Variants in HECTD4 observed in about 807,000 individuals in gnomAD.
HECTD4 encodes probable E3 ubiquitin-protein ligase HECTD4.
Under a neutral mutation model 471.5 loss-of-function variants are expected in HECTD4, and 114 were observed. The observed-to-expected ratio is 0.24, with a 90% confidence interval of 0.21 to 0.28. The LOEUF is 0.28. HECTD4 is among the 10% of genes least tolerant of loss of function. HECTD4 has a pLI of 1.00. For missense variants in HECTD4, 3,866 were observed against 5,651.5 expected, an observed-to-expected ratio of 0.68 and a Z score of 10.13; for synonymous variants, 2,012 against 2,256.0, an observed-to-expected ratio of 0.89 and a Z score of 3.07.
intron 1 of HECTD4, among the ~76,000 whole-genome samples, chr12:112,343,350 A>G (rs1189928475): frequency 6.6e-6 from 1 of 152,262 alleles, no homozygotes; most frequent in Non-Finnish European, 1.5e-5. Flanking sequence ...ATTAAACAGC[A>G]GGTTCCAAAT....
chr12:112,291,223 G>T (rs960474808), intron 7 of HECTD4, among the ~76,000 whole-genome samples: 2 of 151,354 alleles, frequency 1.3e-5, no homozygotes, highest in Admixed American at 6.6e-5. Flanking sequence ...AGTAATATCC[G>T]CTTACTATCA....
At chr12:112,175,114 G>A (rs1039572262) in intron 66 of HECTD4, among the ~76,000 whole-genome samples, 1 of 152,206 alleles carries the variant, frequency 6.6e-6, no homozygotes, top group African/African-American at 2.4e-5. Flanking sequence ...CTGAGGATAA[G>A]GTTCTTTGGG....
At chr12:112,323,975 T>TC (rs2035656159) in intron 1 of HECTD4, among the ~76,000 whole-genome samples, 1 of 21,122 alleles carries the variant, frequency 4.7e-5, no homozygotes, top group Admixed American at 6.0e-4. Context: ...TCTTCCTTCC[T>TC]TCCTTCCTTC....
chr12:112,245,831 A>C (rs1168411359), intron 29 of HECTD4, among the ~76,000 whole-genome samples: 1 of 152,232 alleles, frequency 6.6e-6, no homozygotes, highest in Non-Finnish European at 1.5e-5. Context: ...TTTTAGGCTA[A>C]CAATTAAAAT....
chr12:112,208,779 G>A (rs192456629), intron 50 of HECTD4, 149 bp from the exon 51 acceptor site: 29 of 550,994 alleles, frequency 5.3e-5, no homozygotes, highest in African/African-American at 5.2e-4. Flanking sequence ...CAGAGTCTAG[G>A]AATAACTAAT....
chr12:112,258,191 A>G (rs199952036), intron 20 of HECTD4, among the ~76,000 whole-genome samples: 1 of 91,408 alleles, frequency 1.1e-5, no homozygotes, highest in Non-Finnish European at 1.9e-5. Context: ...TCCATCTCAG[A>G]AAAAAAAAAA....
intron 1 of HECTD4, among the ~76,000 whole-genome samples, chr12:112,378,363 C>T (rs1029410639): frequency 6.6e-6 from 1 of 151,374 alleles, no homozygotes; most frequent in Non-Finnish European, 1.5e-5. Flanking sequence ...GGACTACAAG[C>T]GCCCGCCACC....
intron 1 of HECTD4, among the ~76,000 whole-genome samples, chr12:112,364,980 T>G (rs750593037): frequency 1.1e-4 from 17 of 152,314 alleles, no homozygotes; most frequent in Non-Finnish European, 1.9e-4. Flanking sequence ...GCAGACAATA[T>G]GTAAACAAAT....
At chr12:112,199,167 G>A (rs930371681) in intron 55 of HECTD4, among the ~76,000 whole-genome samples, 2 of 152,192 alleles carry the variant, frequency 1.3e-5, no homozygotes, top group African/African-American at 2.4e-5. Context: ...AGTAGGTAGG[G>A]TCAGGGAATA....
At chr12:112,334,356 A>C (rs1207967093) in intron 1 of HECTD4, among the ~76,000 whole-genome samples, 1 of 151,698 alleles carries the variant, frequency 6.6e-6, no homozygotes, top group Non-Finnish European at 1.5e-5. Flanking sequence ...ATCCCATCAA[A>C]AAGTGGCCTA....
chr12:112,231,335 G>A, intron 39 of HECTD4, 178 bp downstream of exon 39: 1 of 617,366 alleles, frequency 1.6e-6, no homozygotes, highest in South Asian at 1.9e-5. Flanking sequence ...GATCTACCTG[G>A]ATGGTCATTA....
At position 112,311,703 on chromosome 12, in the gene HECTD4, G is replaced by T. The variant is rs2035375741; in HGVS notation, c.916+1314C>A. On this transcript the variant is annotated intron_variant, in intron 4 of 75. Coordinates refer to ENST00000682272, the MANE Select transcript of HECTD4 (RefSeq NM_001388303.1). ...TTTCTCCCTAGATGCAAAACCAAAG[G>T]TTCAGGAAAATGAAAGCAAACAGAT... Among the ~76,000 whole-genome samples the T allele has an allele frequency of 2.0e-5, 3 of 151,756 alleles. No homozygotes were observed. In the South Asian group the frequency reaches 6.3e-4, roughly 32 times the overall value.
intron 44 of HECTD4, 87 bp downstream of exon 44, chr12:112,226,556 G>A (rs2033245065): frequency 8.9e-6 from 7 of 785,166 alleles, no homozygotes; most frequent in Non-Finnish European, 1.4e-5. Context: ...GTGTGTGTAT[G>A]AAGACACTTA....
intron 1 of HECTD4, among the ~76,000 whole-genome samples, chr12:112,378,538 G>A (rs890988499): frequency 5.3e-5 from 8 of 151,864 alleles, no homozygotes; most frequent in African/African-American, 1.7e-4. Flanking sequence ...ATTCTAAGAC[G>A]TCTATTGCAC....
rs147189580 is a variant in HECTD4, at chr12:112,310,781, A to C, written c.917-1112T>G. Among the ~76,000 whole-genome samples the C allele has an allele frequency of 1.3e-3, 196 of 152,352 alleles. 1 individual carries two copies. Among genetic ancestry groups the C allele is most frequent in the African/African-American group, 4.5e-3 (187 of 41,580 alleles). On this transcript the variant is annotated intron_variant, in intron 4 of 75. Transcript: ENST00000682272. ...AATTTAAAACTTATAGATTACATTT[A>C]TTCATCAATTTTTAGATTAAGGCCC... is the stretch of plus-strand genomic sequence containing the variant.
intron 38 of HECTD4, 51 bp from the exon 39 acceptor site, chr12:112,231,766 C>T: frequency 1.4e-6 from 2 of 1,475,816 alleles, no homozygotes; most frequent in South Asian, 1.2e-5. Flanking sequence ...CTTCCCAGCA[C>T]TATATTTTTC....
chr12:112,359,912 C>T (rs988246739), intron 1 of HECTD4, among the ~76,000 whole-genome samples: 6 of 152,072 alleles, frequency 3.9e-5, no homozygotes, highest in South Asian at 2.1e-4. Context: ...CCAGGTGGTA[C>T]GCACATTAAA....
chr12:112,295,505 T>A (rs1028074542), intron 7 of HECTD4, among the ~76,000 whole-genome samples: 2 of 150,646 alleles, frequency 1.3e-5, no homozygotes, highest in African/African-American at 4.9e-5. Context: ...ATATTAATTT[T>A]TTTTTTTTTT....
In HECTD4 at chr12:112,268,868, G is replaced by GTTTTT. The variant is rs561805261; in HGVS notation, c.2321+831_2321+835dup. ...AAATTCTGCTCTCTTGTCTGAAAAGGTTTTTTTTTTTTTTTTTTTTTTTTG... is the reference window on the plus strand; with the variant it reads ...AAATTCTGCTCTCTTGTCTGAAAAGGTTTTTTTTTTTTTTTTTTTTTTTTTTTTTG... On this transcript the variant is annotated intron_variant, in intron 13 of 75. Transcript: ENST00000682272. Among the ~76,000 whole-genome samples the GTTTTT allele has an allele frequency of 1.1e-3, 73 of 65,846 alleles. 1 individual carries two copies. The highest frequency in any genetic ancestry group is 2.0e-3 in the African/African-American group (29 of 14,778). 43.2% of individuals were successfully genotyped at this position (65,846 alleles called of 152,430 possible). A position where few individuals can be genotyped will look rare whatever the true frequency, so the allele number is the denominator to read the frequency against.
Sources: allele counts gnomAD v4.1 joint callset (sites outside exome capture counted in the v4.1 genomes callset), GRCh38; gene constraint gnomAD v4.1.1; transcripts MANE v1.5; gene names NCBI Gene and HGNC (gene_info 2026-07-23, HGNC 2026-07-21).